Variants in FN1 observed in about 807,000 individuals in gnomAD.
FN1 encodes the protein fibronectin 1.
FN1 carries 106 observed loss-of-function variants against 297.3 expected under a neutral mutation model. That is an observed-to-expected ratio of 0.36 (90% CI 0.30 to 0.42). The LOEUF is 0.42. Among genes scored for constraint, FN1 ranks in the 10% least tolerant of loss-of-function variants. The pLI is 1.00. For synonymous variants in FN1, 1,149 were observed against 1,152.6 expected (o/e 1.00, Z 0.06); for missense variants, 2,690 against 3,124.9 (o/e 0.86, Z 3.32).
intron 38 of FN1, 69 bp downstream of exon 38, chr2:215,375,145 G>C (rs2057037438): frequency 7.0e-7 from 1 of 1,438,130 alleles, no homozygotes; most frequent in Admixed American, 1.7e-5. Context: ...AGACGCTGTG[G>C]GAGTTTGCTA....
chr2:215,372,360 A>G lies in FN1; in HGVS notation c.6263T>C (p.Leu2088Pro), dbSNP rs1411879536. The change falls in exon 40 of 46, where the codon CTG becomes CCG. Residue 2088 changes from leucine (L) to proline (P), a missense_variant. Physicochemically the swap from Leu to Pro is moderately conservative, Grantham distance 98. Around this residue, in one of 3 missense-constraint regions of FN1, gnomAD observed 1,743 missense variants for 1,945.2 expected, o/e 0.90. Coordinates refer to ENST00000354785, the MANE Select transcript of FN1 (RefSeq NM_212482.4). ...AAGATTGGGGTGTGGAAGGGTTACC[A>G]GTTGGGGAAGCTCGTCTAGCCGAGA... is the stretch of plus-strand genomic sequence containing the variant. ...GRKKTDELPQ[L>P]VTLPHPNLHG... 6.2e-7 allele frequency: 1 copy of G among 1,614,148 alleles called. No individual in the cohort carries two copies. The highest frequency in any genetic ancestry group is 1.1e-5 in the South Asian group (1 of 91,084).
In FN1 at chr2:215,361,539, G is replaced by A; in HGVS notation, c.*16C>T. The A allele has an allele frequency of 6.4e-7, 1 of 1,568,884 alleles. No homozygotes were observed. The highest frequency in any genetic ancestry group is 2.2e-5 in the East Asian group (1 of 44,650). ...GGCAGAGAGACATGCTTGTTCCTCT[G>A]GATTGGAAAGATGATTTACTCTCGG... On this transcript the variant is annotated 3_prime_UTR_variant, in exon 46 of 46. Coordinates refer to ENST00000354785, the MANE Select transcript of FN1 (RefSeq NM_212482.4).
At chr2:215,365,966 A>ATTTTTTTTTTTTTTTT (rs559516647) in intron 42 of FN1, among the ~76,000 whole-genome samples, 12 of 90,336 alleles carry the variant, frequency 1.3e-4, no homozygotes, top group Non-Finnish European at 2.0e-4. Context: ...CCACAGTGCT[A>ATTTTTTTTTTTTTTTT]TTTTTTTTTT....
intron 26 of FN1, among the ~76,000 whole-genome samples, chr2:215,389,171 T>C (rs958094245): frequency 6.6e-6 from 1 of 152,198 alleles, no homozygotes; most frequent in Admixed American, 6.5e-5. Flanking sequence ...TGGTGTGATC[T>C]TGGCTCACTG....
intron 4 of FN1, among the ~76,000 whole-genome samples, chr2:215,431,518 T>C (rs1424998061): frequency 1.3e-5 from 2 of 152,144 alleles, no homozygotes; most frequent in East Asian, 1.9e-4. Flanking sequence ...TTCTTTTAAA[T>C]AAATTATATC....
At position 215,395,559 on chromosome 2, in the gene FN1, A is replaced by T. The variant is rs938458175; in HGVS notation, c.3605-840T>A. 2.0e-5 allele frequency among the ~76,000 whole-genome samples: 3 copies of T among 151,878 alleles called. No homozygotes were observed. In the South Asian group the frequency reaches 6.2e-4, roughly 31 times the overall value. Reference sequence around the variant, plus strand: ...TGTCTCAAAAAAAAAAAACAAAACAAACAAAAAAAGAGAGTATTGATTGTT... The same window carrying T: ...TGTCTCAAAAAAAAAAAACAAAACATACAAAAAAAGAGAGTATTGATTGTT... On this transcript the variant is annotated intron_variant, in intron 23 of 45. Transcript: ENST00000354785.
At chr2:215,432,569 G>A (rs1441684746) in intron 3 of FN1, among the ~76,000 whole-genome samples, 1 of 152,196 alleles carries the variant, frequency 6.6e-6, no homozygotes, top group East Asian at 1.9e-4. Flanking sequence ...GAAATATGGG[G>A]AAAGTTGATT....
intron 38 of FN1, among the ~76,000 whole-genome samples, chr2:215,373,671 CTTTTTTTTT>C (rs58966623): frequency 8.0e-6 from 1 of 125,450 alleles, no homozygotes; most frequent in African/African-American, 3.4e-5. Context: ...CCAGGGTATT[CTTTTTTTTT>C]TTTTTTTTTT....
chr2:215,399,331 G>C lies in FN1; in HGVS notation c.3274C>G (p.Pro1092Ala), dbSNP rs747847836. 6.2e-7 allele frequency: 1 copy of C among 1,613,378 alleles called. No homozygotes were observed. Among genetic ancestry groups the C allele is most frequent in the Non-Finnish European group, 8.5e-7 (1 of 1,179,318 alleles). ...FTTLQPGSSI[P>A]PYNTEVTETT... is the part of the protein sequence containing the mutation. ...TCAGTCACCTCGGTGTTGTAAGGTGGAATAGAGCTCCCAGGCTGCACTGTG... is the reference window on the plus strand; with the variant it reads ...TCAGTCACCTCGGTGTTGTAAGGTGCAATAGAGCTCCCAGGCTGCACTGTG... Residue 1092 changes from proline (P) to alanine (A), a missense_variant, in exon 21 of 46, where the codon CCA (proline) becomes GCA (alanine). Around this residue, in one of 3 missense-constraint regions of FN1, gnomAD observed 1,743 missense variants for 1,945.2 expected, o/e 0.90. Transcript: ENST00000354785.
At chr2:215,429,857 T>G (rs2066176902) in intron 5 of FN1, among the ~76,000 whole-genome samples, 1 of 152,144 alleles carries the variant, frequency 6.6e-6, no homozygotes, top group African/African-American at 2.4e-5. Context: ...ATTTAAAGAG[T>G]TCTAAATAAC....
chr2:215,364,366 C>T, intron 44 of FN1: 1 of 187,114 alleles, frequency 5.3e-6, no homozygotes, highest in South Asian at 1.1e-4. Flanking sequence ...GAGTTGGAGG[C>T]CTAGAGCTAC....
chr2:215,404,709 A>G, intron 19 of FN1, 54 bp from the exon 20 acceptor site: 1 of 1,511,170 alleles, frequency 6.6e-7, no homozygotes, highest in Non-Finnish European at 9.2e-7. Context: ...AATGATCATA[A>G]CTCAAGTCCT....
At chr2:215,376,222 A>G (rs1328767012) in intron 36 of FN1, among the ~76,000 whole-genome samples, 1 of 152,192 alleles carries the variant, frequency 6.6e-6, no homozygotes, top group Admixed American at 6.5e-5. Flanking sequence ...TTTAAACCTT[A>G]TGTTACAATT....
At chr2:215,399,652 T>C (rs931141364) in intron 20 of FN1, among the ~76,000 whole-genome samples, 1 of 152,194 alleles carries the variant, frequency 6.6e-6, no homozygotes, top group African/African-American at 2.4e-5. Flanking sequence ...GGCCCGTGAA[T>C]GATACCTGAG....
chr2:215,380,628 C>A, intron 33 of FN1, 183 bp downstream of exon 33: 2 of 828,884 alleles, frequency 2.4e-6, no homozygotes, highest in Non-Finnish European at 1.9e-6. Flanking sequence ...TTTAATCAGA[C>A]TTGTTTCCTT....
chr2:215,374,807 G>T (rs2056960710), intron 38 of FN1, among the ~76,000 whole-genome samples: 2 of 152,218 alleles, frequency 1.3e-5, no homozygotes, highest in Non-Finnish European at 2.9e-5. Context: ...CCTATCCTGT[G>T]ATAGTGGTCA....
intron 7 of FN1, 22 bp downstream of exon 7, chr2:215,425,072 T>A: frequency 6.2e-7 from 1 of 1,607,382 alleles, no homozygotes; most frequent in Non-Finnish European, 8.5e-7. Flanking sequence ...TCAGTCCTAT[T>A]CTTCAAAAAG....
chr2:215,370,540 CAAAAAACA>C, intron 40 of FN1, 108 bp from the exon 41 acceptor site: 1 of 303,004 alleles, frequency 3.3e-6, no homozygotes. Flanking sequence ...CAAAGGAAGA[CAAAAAACA>C]AAAAACAAAA....
chr2:215,372,557 CA>C, intron 39 of FN1, 182 bp from the exon 40 acceptor site: 1 of 642,216 alleles, frequency 1.6e-6, no homozygotes, highest in Non-Finnish European at 2.8e-6. Context: ...GGATTTTTCT[CA>C]AAGGTTTCTT....
Sources: gnomAD v4.1 joint callset for allele counts (sites outside exome capture counted in the v4.1 genomes callset) on GRCh38, gnomAD v4.1.1 for gene constraint, gnomAD v4.1.1 regional missense constraint, MANE v1.5 for transcripts, NCBI Gene and HGNC (gene_info 2026-07-23, HGNC 2026-07-21) for gene names.